The following NOC2L variants were observed in gnomAD, a reference collection of about 807,000 sequenced individuals.
NOC2L encodes the protein NOC2 like nucleolar associated transcriptional repressor, also known as nucleolar complex protein 2 homolog.
In NOC2L, 101 loss-of-function variants were observed where a neutral mutation model predicts 94.2. The ratio of observed to expected loss-of-function variants is 1.07; its 90% CI spans 0.91 to 1.26. The LOEUF is 1.26. NOC2L is among the 50% of genes most tolerant of loss of function. The pLI, the probability that NOC2L is intolerant of heterozygous loss-of-function variation, is 0.00. For missense variants in NOC2L, 1,076 were observed against 980.1 expected (o/e 1.10, Z -1.31); for synonymous variants, 531 against 413.4 (o/e 1.28, Z -3.45).
In NOC2L at chr1:953,168, C is replaced by A. The variant is rs1256426945; in HGVS notation, c.1002+7G>T. ...CTGAGGGACACAGACGCAGGGCCCA[C>A]CACTACCTTGAGGACGGGGCCAAGG... is the stretch of plus-strand genomic sequence containing the variant. On this transcript the variant is annotated splice_region_variant and intron_variant, in intron 9 of 18. Transcript: ENST00000327044. 3 of 1,599,084 alleles carry A rather than the reference C, an allele frequency of 1.9e-6. No individual in the cohort carries two copies. The highest frequency in any genetic ancestry group is 1.1e-5 in the South Asian group (1 of 90,828).
Position 944,548 on chromosome 1 carries a change from A to G in NOC2L, c.*146T>C, listed in dbSNP as rs763727197. 8.1e-5 allele frequency: 51 copies of G among 628,530 alleles called. No homozygotes were observed. The highest frequency in any genetic ancestry group is 4.3e-4 in the Middle Eastern group (1 of 2,328). The allele number at this position is 628,530 out of a possible 1,614,324, so 38.9% of individuals were successfully genotyped here. ...CAGCTCTCGATACGTTTGGTCTTTC[A>G]TGCTGAAAAATAAATAATAAAGCCT... On this transcript the variant is annotated 3_prime_UTR_variant, in exon 19 of 19. Coordinates refer to ENST00000327044, the MANE Select transcript of NOC2L (RefSeq NM_015658.4).
chr1:954,225 G>T, intron 6 of NOC2L, 143 bp from the exon 7 acceptor site: 1 of 691,484 alleles, frequency 1.4e-6, no homozygotes, highest in Non-Finnish European at 2.4e-6. Flanking sequence ...AAAGCTCAGG[G>T]CCCCTTACAG....
At chr1:954,838 A>C (rs1362317254) in intron 6 of NOC2L, among the ~76,000 whole-genome samples, 4 of 151,982 alleles carry the variant, frequency 2.6e-5, no homozygotes, top group Non-Finnish European at 4.4e-5. Flanking sequence ...AAAAAAAAAA[A>C]CCAAAAACCA....
At chr1:950,353 G>A (rs1030277813) in intron 12 of NOC2L, among the ~76,000 whole-genome samples, 1 of 149,606 alleles carries the variant, frequency 6.7e-6, no homozygotes, top group African/African-American at 2.5e-5. Flanking sequence ...ACATGCAAAG[G>A]TTCATGCATG....
At position 944,414 on chromosome 1, in the gene NOC2L, AACTGGG is replaced by A. The variant is rs1379616567; in HGVS notation, c.*274_*279del. 36 of 1,117,970 alleles carry A rather than the reference AACTGGG, an allele frequency of 3.2e-5. No individual in the cohort carries two copies. The Middle Eastern group carries it at 9.3e-4, about 29-fold the overall frequency. The allele number at this position is 1,117,970 out of a possible 1,614,324, so 69.3% of individuals were successfully genotyped here. On this transcript the variant is annotated 3_prime_UTR_variant, in exon 19 of 19. Transcript: ENST00000327044. ...CAGGGGCCTGCAGGCCTCCCCCTGG[AACTGGG>A]ACTGGTCTCGGTCTGCTGACGTCAG...
At position 953,890 on chromosome 1, in the gene NOC2L, C is replaced by T. The variant is rs372879280; in HGVS notation, c.780G>A (p.Leu260=). The change falls in exon 8 of 19, where the codon CTG becomes CTA. Residue 260 remains leucine, a splice_region_variant and synonymous_variant. Coordinates refer to ENST00000327044, the MANE Select transcript of NOC2L (RefSeq NM_015658.4). ...CCGTCGTCTCCGACAGACAGGACAC[C>T]AGCTGGGGGCAGGAGGGGACAGTGA... is the stretch of plus-strand genomic sequence containing the variant. ...IKAYLGSAIQ[L]VSCLSETTVL... 2 of 1,613,024 alleles carry T rather than the reference C, an allele frequency of 1.2e-6. No homozygotes were observed. The highest frequency in any genetic ancestry group is 1.3e-5 in the African/African-American group (1 of 75,050).
intron 17 of NOC2L, 89 bp downstream of exon 17, chr1:945,429 G>T (rs930311979): frequency 4.0e-6 from 6 of 1,482,004 alleles, no homozygotes; most frequent in Non-Finnish European, 5.5e-6. Context: ...CCCCCTGCAG[G>T]ATGGGTACAG....
At chr1:958,103 C>CT (rs1460676674) in intron 2 of NOC2L, 1 of 134,832 alleles carries the variant, frequency 7.4e-6, no homozygotes, top group African/African-American at 2.8e-5. Context: ...GAATCTCACT[C>CT]TGTCGCCCAG....
intron 12 of NOC2L, 104 bp downstream of exon 12, chr1:951,021 AGG>A: frequency 1.2e-6 from 1 of 854,840 alleles, no homozygotes; most frequent in Non-Finnish European, 1.9e-6. Context: ...GGAGGCGGCC[AGG>A]GCTCCGGGAA....
intron 2 of NOC2L, chr1:958,631 T>C (rs1191373978): frequency 1.6e-6 from 1 of 608,908 alleles, no homozygotes; most frequent in Admixed American, 2.1e-5. Flanking sequence ...TCCCCAGCAC[T>C]TATCTCTCTT....
chr1:958,497 G>A, intron 2 of NOC2L: 2 of 357,178 alleles, frequency 5.6e-6, no homozygotes, highest in South Asian at 4.2e-5. Context: ...TAATCTGCCC[G>A]CCTCGGCCTC....
chr1:951,337 G>T (rs768828736), intron 11 of NOC2L, 99 bp from the exon 12 acceptor site: 1 of 920,996 alleles, frequency 1.1e-6, no homozygotes. Context: ...ACCGACATCA[G>T]ACCCCTAAAG....
chr1:944,411 T>C lies in NOC2L; in HGVS notation c.*283A>G. The C allele has an allele frequency of 8.8e-7, 1 of 1,140,706 alleles. No individual in the cohort carries two copies. The highest frequency in any genetic ancestry group is 1.1e-6 in the Non-Finnish European group (1 of 885,732). The allele number at this position is 1,140,706 out of a possible 1,614,324, so 70.7% of individuals were successfully genotyped here. On this transcript the variant is annotated 3_prime_UTR_variant, in exon 19 of 19. Coordinates refer to ENST00000327044, the MANE Select transcript of NOC2L (RefSeq NM_015658.4). The stretch of plus-strand genomic sequence containing the variant: ...GGCCAGGGGCCTGCAGGCCTCCCCC[T>C]GGAACTGGGACTGGTCTCGGTCTGC...
At chr1:954,974 C>A (rs1419645513) in intron 6 of NOC2L, among the ~76,000 whole-genome samples, 1 of 152,254 alleles carries the variant, frequency 6.6e-6, no homozygotes, top group Non-Finnish European at 1.5e-5. Context: ...CCTCGACCCT[C>A]CTCACACCTG....
intron 18 of NOC2L, 28 bp from the exon 19 acceptor site, chr1:944,828 AT>A: frequency 6.8e-7 from 1 of 1,473,648 alleles, no homozygotes. Context: ...GGCTACATAA[AT>A]TTTGCTTTAT....
rs183672076 is a variant in NOC2L, at chr1:954,334, G to T, written c.699-252C>A. 4.4e-5 allele frequency: 21 copies of T among 472,786 alleles called. No homozygotes were observed. In the East Asian group the frequency reaches 7.1e-4, roughly 16 times the overall value. The allele number at this position is 472,786 out of a possible 1,614,324, so 29.3% of individuals were successfully genotyped here. A position where few individuals can be genotyped will look rare whatever the true frequency, so the allele number is the denominator to read the frequency against. On this transcript the variant is annotated intron_variant, in intron 6 of 18. Coordinates refer to ENST00000327044, the MANE Select transcript of NOC2L (RefSeq NM_015658.4). ...TCTGCCCTGCCCAGGGTTGGCCACCGCCCTAAGAGTCCCCGGAAGTCCCAG... is the reference window on the plus strand; with the variant it reads ...TCTGCCCTGCCCAGGGTTGGCCACCTCCCTAAGAGTCCCCGGAAGTCCCAG...
intron 8 of NOC2L, 110 bp from the exon 9 acceptor site, chr1:953,398 T>C: frequency 1.5e-6 from 1 of 676,558 alleles, no homozygotes; most frequent in Non-Finnish European, 2.7e-6. Context: ...CCACCAGCTC[T>C]TCCCAAAGCA....
Position 959,214 on chromosome 1 carries a change from C to A in NOC2L, c.26+1G>T. 3 of 1,609,280 alleles carry A rather than the reference C, an allele frequency of 1.9e-6. No individual in the cohort carries two copies. The highest frequency in any genetic ancestry group is 2.5e-6 in the Non-Finnish European group (3 of 1,178,546). ...AATCGGCCCTCGGACCCGCGGCTTA[C>A]CTCTTGCGGCTCCCCGCAGCTGCCA... On this transcript the variant is annotated splice_donor_variant, in intron 1 of 18. Transcript: ENST00000327044. LOFTEE classifies it high-confidence loss of function.
At position 946,222 on chromosome 1, in the gene NOC2L, C is replaced by T. The variant is rs148962722; in HGVS notation, c.1868G>A (p.Arg623His). The change falls in exon 16 of 19, where the codon CGC becomes CAC. Residue 623 changes from arginine to histidine, a missense_variant. Transcript: ENST00000327044. ...TPLTLYYSHW[R>H]KLRDREIQLE... ...CTGGATCTCCCGGTCACGCAGCTTGCGCCAGTGGCTGTAGTACAAGGTCAG... is the reference window on the plus strand; with the variant it reads ...CTGGATCTCCCGGTCACGCAGCTTGTGCCAGTGGCTGTAGTACAAGGTCAG... The T allele has an allele frequency of 2.5e-4, 410 of 1,613,744 alleles. 1 individual carries two copies. The African/African-American group carries it at 4.8e-3, about 19-fold the overall frequency.
Sources: gnomAD v4.1 joint callset for allele counts (sites outside exome capture counted in the v4.1 genomes callset) on GRCh38, gnomAD v4.1.1 for gene constraint, MANE v1.5 for transcripts, NCBI Gene and HGNC (gene_info 2026-07-23, HGNC 2026-07-21) for gene names.